The following ZRANB3 variants were observed in gnomAD, a reference collection of about 807,000 sequenced individuals.
ZRANB3 encodes zinc finger RANBP2-type containing 3, also known as DNA annealing helicase and endonuclease ZRANB3.
A neutral mutation model predicts 133.8 loss-of-function variants in ZRANB3; 125 were observed. The ratio of observed to expected loss-of-function variants is 0.93; its 90% CI spans 0.81 to 1.08. The LOEUF (loss-of-function observed/expected upper bound fraction) is 1.08. ZRANB3 is among the 50% of genes least tolerant of loss of function. The probability of loss-of-function intolerance (pLI) is 0.00; values close to 1 mark genes in which losing one functional copy is unlikely to be tolerated. For missense variants in ZRANB3, 1,229 were observed against 1,275.5 expected, an observed-to-expected ratio of 0.96 and a Z score of 0.56; for synonymous variants, 387 against 432.7, an observed-to-expected ratio of 0.89 and a Z score of 1.31.
At chr2:135,271,713 T>C in intron 10 of ZRANB3, 55 bp downstream of exon 10, 2 of 1,550,026 alleles carry the variant, frequency 1.3e-6, no homozygotes, top group Non-Finnish European at 1.7e-6. Context: ...GTGAATGGCC[T>C]TTTTTCTTAT....
intron 8 of ZRANB3, among the ~76,000 whole-genome samples, chr2:135,276,240 T>TG (rs1354623539): frequency 6.6e-6 from 1 of 151,660 alleles, no homozygotes; most frequent in Non-Finnish European, 1.5e-5. Flanking sequence ...GAAAGTTTTT[T>TG]TTTTTTTTTT....
chr2:135,209,101 C>A, intron 17 of ZRANB3, 123 bp from the exon 18 acceptor site: 1 of 833,976 alleles, frequency 1.2e-6, no homozygotes. Flanking sequence ...ATTAACTGTG[C>A]TGAAACTCAA....
chr2:135,273,111 G>A (rs998250108), intron 9 of ZRANB3, among the ~76,000 whole-genome samples: 12 of 151,532 alleles, frequency 7.9e-5, no homozygotes, highest in Admixed American at 7.9e-4. Context: ...GCGTGAACCC[G>A]GGAGGCGGAG....
chr2:135,473,394 A>G lies in ZRANB3; in HGVS notation c.161+30935T>C, dbSNP rs547954236. ...ATGATCAAAGAATTTGAGCTGGGAA[A>G]AGGACATTGATATACTAACCAATTT... On this transcript the variant is annotated intron_variant, in intron 2 of 20. Coordinates refer to ENST00000264159, the MANE Select transcript of ZRANB3 (RefSeq NM_032143.4). 3.0e-4 allele frequency among the ~76,000 whole-genome samples: 45 copies of G among 152,336 alleles called. 1 individual carries two copies. The highest frequency in any genetic ancestry group is 1.1e-3 in the African/African-American group (45 of 41,582).
intron 1 of ZRANB3, among the ~76,000 whole-genome samples, chr2:135,519,261 A>G (rs1391647552): frequency 6.6e-6 from 1 of 152,164 alleles, no homozygotes; most frequent in African/African-American, 2.4e-5. Context: ...AACTAGGGAA[A>G]GGTCCACAGT....
At chr2:135,465,798 C>T (rs554628098) in intron 2 of ZRANB3, among the ~76,000 whole-genome samples, 3 of 152,166 alleles carry the variant, frequency 2.0e-5, no homozygotes, top group South Asian at 2.1e-4. Context: ...CCAGAATCTA[C>T]GAAGAACTTA....
Position 135,207,671 on chromosome 2 carries a change from T to G in ZRANB3, c.2772A>C (p.Gln924His). Residue 924 changes from glutamine to histidine, a missense_variant, in exon 19 of 21, where the codon CAA (glutamine) becomes CAC (histidine). Coordinates refer to ENST00000264159, the MANE Select transcript of ZRANB3 (RefSeq NM_032143.4). ...AATCCCAAGAGTTCGCTTTACATGC[T>G]TGCTTAGTCTGGCAAGTGGGTTGCT... ...RCQQPTCQTK[Q>H]ACKANSWDSR... is the part of the protein sequence containing the mutation. 1.2e-6 allele frequency: 2 copies of G among 1,614,032 alleles called. No homozygotes were observed. Among genetic ancestry groups the G allele is most frequent in the Non-Finnish European group, 1.7e-6 (2 of 1,179,894 alleles).
intron 8 of ZRANB3, among the ~76,000 whole-genome samples, chr2:135,291,571 T>A (rs1338679509): frequency 6.6e-6 from 1 of 151,694 alleles, no homozygotes; most frequent in Non-Finnish European, 1.5e-5. Flanking sequence ...TTTTATTTTT[T>A]ATTTTTATTT....
At chr2:135,479,264 G>A (rs1691648887) in intron 2 of ZRANB3, among the ~76,000 whole-genome samples, 2 of 152,124 alleles carry the variant, frequency 1.3e-5, no homozygotes, top group Non-Finnish European at 2.9e-5. Context: ...AATCGTAGAA[G>A]GGTACTTTCA....
chr2:135,306,552 A>G (rs1381547132), intron 8 of ZRANB3, among the ~76,000 whole-genome samples: 1 of 148,334 alleles, frequency 6.7e-6, no homozygotes, highest in African/African-American at 2.5e-5. Flanking sequence ...TCGGCCTCCC[A>G]AAGTGCTGGG....
At chr2:135,483,937 A>C (rs1691969460) in intron 2 of ZRANB3, among the ~76,000 whole-genome samples, 1 of 152,170 alleles carries the variant, frequency 6.6e-6, no homozygotes. Flanking sequence ...TGAGATTCTT[A>C]ATCCTGAGTT....
intron 3 of ZRANB3, among the ~76,000 whole-genome samples, chr2:135,364,097 G>C (rs965397440): frequency 9.9e-5 from 15 of 151,178 alleles, no homozygotes; most frequent in Admixed American, 9.9e-4. Context: ...AAGGAAGGAG[G>C]GCAGGAGGGA....
chr2:135,426,605 G>A (rs191865557), intron 2 of ZRANB3, among the ~76,000 whole-genome samples: 36 of 151,440 alleles, frequency 2.4e-4, no homozygotes, highest in Admixed American at 2.0e-3. Flanking sequence ...TGGGGCGGGC[G>A]GATCACGAGG....
rs61732188 is a variant in ZRANB3 at position 135,230,668 on chromosome 2, A to G, written c.1799T>C (p.Ile600Thr). 3.6e-5 allele frequency: 58 copies of G among 1,613,502 alleles called. No homozygotes were observed. In the African/African-American group the frequency reaches 6.0e-4, roughly 17 times the overall value. The change falls in exon 13 of 21, where the codon ATC becomes ACC. Residue 600 changes from isoleucine to threonine, a missense_variant. Ile to Thr is a moderately conservative substitution (Grantham distance 89). Coordinates refer to ENST00000264159, the MANE Select transcript of ZRANB3 (RefSeq NM_032143.4). The part of the protein sequence containing the change: ...SEETPSQSKQ[I>T]RTPLVESVQE... ...TACACTTTCCACGAGTGGAGTTCGG[A>G]TTTGCTTGGACTGGGATGGTGTCTC...
chr2:135,350,389 A>G (rs1685150768), intron 4 of ZRANB3, among the ~76,000 whole-genome samples, 174 bp from the exon 5 acceptor site: 1 of 152,144 alleles, frequency 6.6e-6, no homozygotes, highest in African/African-American at 2.4e-5. Flanking sequence ...AATATAATAA[A>G]CCAGGATCCA....
At chr2:135,348,234 G>C (rs1359985429) in intron 5 of ZRANB3, among the ~76,000 whole-genome samples, 1 of 151,496 alleles carries the variant, frequency 6.6e-6, no homozygotes, top group East Asian at 1.9e-4. Context: ...ACTCCAGCCT[G>C]GGCAACAGAG....
At chr2:135,489,396 C>A (rs1692277401) in intron 2 of ZRANB3, among the ~76,000 whole-genome samples, 1 of 151,050 alleles carries the variant, frequency 6.6e-6, no homozygotes, top group African/African-American at 2.4e-5. Flanking sequence ...CAGCATGGCA[C>A]ATGTATACAT....
chr2:135,413,655 AAG>A (rs1347501809), intron 2 of ZRANB3, among the ~76,000 whole-genome samples: 15 of 152,172 alleles, frequency 9.9e-5, no homozygotes, highest in Non-Finnish European at 1.6e-4. Context: ...GCTAGTTAAC[AAG>A]AGTCTACTTT....
chr2:135,364,984 G>A (rs918335612), intron 3 of ZRANB3, among the ~76,000 whole-genome samples: 1 of 152,030 alleles, frequency 6.6e-6, no homozygotes, highest in African/African-American at 2.4e-5. Context: ...GGAAGGCAGA[G>A]GTTGCAGTGA....
Sources: allele counts gnomAD v4.1 joint callset (sites outside exome capture counted in the v4.1 genomes callset), GRCh38; gene constraint gnomAD v4.1.1; transcripts MANE v1.5; gene names NCBI Gene and HGNC (gene_info 2026-07-23, HGNC 2026-07-21).